Variants in MGST3 observed in about 807,000 individuals in gnomAD.
MGST3 encodes microsomal glutathione S-transferase 3, also known as glutathione S-transferase 3, mitochondrial.
Under a neutral mutation model 15.8 loss-of-function variants are expected in MGST3, and 13 were observed. That is an observed-to-expected ratio of 0.82 (90% CI 0.54 to 1.31). MGST3 has a LOEUF of 1.31. Among genes scored for constraint, MGST3 ranks in the 50% most tolerant of loss-of-function variants. The pLI, the probability that MGST3 is intolerant of heterozygous loss-of-function variation, is 0.00. For synonymous variants in MGST3, 49 were observed against 68.1 expected, an observed-to-expected ratio of 0.72 and a Z score of 1.38; for missense variants, 155 against 192.4, an observed-to-expected ratio of 0.81 and a Z score of 1.15.
At chr1:165,650,720 T>C (rs949154614) in intron 2 of MGST3, 14 of 420,288 alleles carry the variant, frequency 3.3e-5, no homozygotes, top group African/African-American at 2.0e-4. Flanking sequence ...AAATCCACCA[T>C]TGATGCTTAA....
chr1:165,646,356 T>C (rs953939973), intron 1 of MGST3: 3 of 152,236 alleles, frequency 2.0e-5, no homozygotes, highest in African/African-American at 4.8e-5. Flanking sequence ...TAGCAAATGA[T>C]AGTTTTTTTG....
chr1:165,632,441 T>TGAA, intron 1 of MGST3, among the ~76,000 whole-genome samples: 1 of 152,202 alleles, frequency 6.6e-6, no homozygotes, highest in Non-Finnish European at 1.5e-5. Flanking sequence ...CTATATTTTA[T>TGAA]TTCAGTGAAT....
At chr1:165,644,975 G>A (rs1378821524) in intron 1 of MGST3, among the ~76,000 whole-genome samples, 4 of 152,046 alleles carry the variant, frequency 2.6e-5, no homozygotes, top group Non-Finnish European at 5.9e-5. Context: ...TGGCCAGGCT[G>A]GTTTTGAACT....
chr1:165,654,402 C>T, intron 5 of MGST3, 51 bp downstream of exon 5: 1 of 1,549,248 alleles, frequency 6.5e-7, no homozygotes, highest in South Asian at 1.1e-5. Context: ...ATTTTAAATC[C>T]TATGCTGGCC....
chr1:165,639,529 G>A (rs538239139), intron 1 of MGST3, among the ~76,000 whole-genome samples: 15 of 152,300 alleles, frequency 9.8e-5, no homozygotes, highest in Admixed American at 1.3e-4. Flanking sequence ...TAGGCCTGGC[G>A]CGGTGGCCCA....
intron 1 of MGST3, chr1:165,646,361 T>C (rs1266979016): frequency 6.6e-6 from 1 of 152,256 alleles, no homozygotes; most frequent in African/African-American, 2.4e-5. Context: ...AATGATAGTT[T>C]TTTTGAATGT....
intron 1 of MGST3, among the ~76,000 whole-genome samples, chr1:165,644,050 T>G (rs1648330614): frequency 7.4e-6 from 1 of 135,284 alleles, no homozygotes; most frequent in Admixed American, 7.0e-5. Context: ...AGAGACCCTG[T>G]GTTAAAAAAA....
At chr1:165,653,964 G>A (rs947692989) in intron 4 of MGST3, 7 of 383,774 alleles carry the variant, frequency 1.8e-5, no homozygotes, top group Non-Finnish European at 2.9e-5. Flanking sequence ...TGGCCCACAT[G>A]TCCTTCTCTT....
intron 1 of MGST3, among the ~76,000 whole-genome samples, chr1:165,643,602 A>G (rs1648314968): frequency 6.6e-6 from 1 of 151,538 alleles, no homozygotes; most frequent in Admixed American, 6.6e-5. Context: ...GTGATGGCTA[A>G]CACCTGTAAT....
chr1:165,649,956 A>G lies in MGST3; in HGVS notation c.109A>G (p.Lys37Glu). 6.2e-7 allele frequency: 1 copy of G among 1,614,102 alleles called. No individual in the cohort carries two copies. The highest frequency in any genetic ancestry group is 1.1e-5 in the South Asian group (1 of 91,084). ...TGTTTCCAAGGCCCGCAAGAAGTAC[A>G]AAGTGGAGGTAAGTGGGAACACAAG... The part of the protein sequence containing the change: ...INVSKARKKY[K>E]VEYPIMYSTD... The change falls in exon 2 of 6, where the codon AAA becomes GAA. Residue 37 changes from lysine to glutamate, a missense_variant. Coordinates refer to ENST00000367889, the MANE Select transcript of MGST3 (RefSeq NM_004528.4).
In MGST3 at chr1:165,651,030, G is replaced by A. The variant is rs756881927; in HGVS notation, c.134G>A (p.Ser45Asn). Residue 45 changes from serine to asparagine, a missense_variant, in exon 3 of 6, where the codon AGC (serine) becomes AAC (asparagine). By Grantham distance (46) the Ser-to-Asn change is conservative. Transcript: ENST00000367889. ...KYKVEYPIMY[S>N]TDPENGHIFN... ...TTGTGACAGTATCCTATCATGTACA[G>A]CACGGACCCTGAAAATGGGCACATC... The A allele has an allele frequency of 2.5e-6, 4 of 1,614,196 alleles. No individual in the cohort carries two copies. In the Admixed American group the frequency reaches 6.7e-5, roughly 27 times the overall value.
At chr1:165,652,087 TTATC>T (rs766291479) in intron 4 of MGST3, 52 bp downstream of exon 4, 14 of 777,812 alleles carry the variant, frequency 1.8e-5, no homozygotes, top group Non-Finnish European at 2.6e-5. Context: ...CACTGAGCTA[TTATC>T]AGGGACAGAA....
In MGST3 at chr1:165,652,151, T is replaced by G; in HGVS notation, c.249+116T>G. 4 of 785,400 alleles carry G rather than the reference T, an allele frequency of 5.1e-6. No homozygotes were observed. In the South Asian group the frequency reaches 5.7e-5, roughly 11 times the overall value. The allele number at this position is 785,400 out of a possible 1,614,324, so 48.7% of individuals were successfully genotyped here. ...ATCTTCAGTGTCTAGGCACTGCATA[T>G]TTAAAAGGATTTTATTCAATTATTT... On this transcript the variant is annotated intron_variant, in intron 4 of 5. Transcript: ENST00000367889.
chr1:165,632,851 G>C (rs2101711737), intron 1 of MGST3, among the ~76,000 whole-genome samples: 1 of 152,118 alleles, frequency 6.6e-6, no homozygotes, highest in Non-Finnish European at 1.5e-5. Flanking sequence ...GGAAAGAAGG[G>C]CTTTACCCAC....
chr1:165,632,146 AGT>A, intron 1 of MGST3: 2 of 1,131,432 alleles, frequency 1.8e-6, no homozygotes, highest in Non-Finnish European at 2.7e-6. Flanking sequence ...GGGGCAAGTA[AGT>A]GTGGAAGACG....
At chr1:165,632,210 G>C (rs771312498) in intron 1 of MGST3, 4 of 1,610,360 alleles carry the variant, frequency 2.5e-6, no homozygotes, top group Non-Finnish European at 3.4e-6. Flanking sequence ...GCAGGGGTTA[G>C]AACTTTAATT....
chr1:165,650,793 A>G, intron 2 of MGST3: 1 of 566,808 alleles, frequency 1.8e-6, no homozygotes, highest in Non-Finnish European at 3.2e-6. Flanking sequence ...ACTACAGCGC[A>G]GACATACATT....
intron 1 of MGST3, among the ~76,000 whole-genome samples, chr1:165,639,095 A>G (rs1293919829): frequency 5.3e-5 from 8 of 152,258 alleles, no homozygotes; most frequent in Non-Finnish European, 7.3e-5. Context: ...AAGTATTCCA[A>G]CGATCGTGGA....
intron 2 of MGST3, chr1:165,650,278 G>T (rs1648516415): frequency 2.6e-6 from 1 of 389,720 alleles, no homozygotes; most frequent in East Asian, 5.9e-5. Context: ...TCCACAGAGG[G>T]TTAAATAGCA....
Sources: allele counts gnomAD v4.1 joint callset (sites outside exome capture counted in the v4.1 genomes callset), GRCh38; gene constraint gnomAD v4.1.1; transcripts MANE v1.5; gene names NCBI Gene and HGNC (gene_info 2026-07-23, HGNC 2026-07-21).